The following TTC28 variants were observed in gnomAD, a reference collection of about 807,000 sequenced individuals.
TTC28 encodes the protein tetratricopeptide repeat domain 28.
TTC28 carries 61 observed loss-of-function variants against 198.0 expected under a neutral mutation model. That is an observed-to-expected ratio of 0.31 (90% CI 0.25 to 0.38). The LOEUF (loss-of-function observed/expected upper bound fraction) is 0.38. Among genes scored for constraint, TTC28 ranks in the 10% least tolerant of loss-of-function variants. The probability of loss-of-function intolerance (pLI) is 1.00; values close to 1 mark genes in which losing one functional copy is unlikely to be tolerated. For missense variants in TTC28, 2,678 were observed against 3,164.0 expected, an observed-to-expected ratio of 0.85 and a Z score of 3.69; for synonymous variants, 1,171 against 1,297.8, an observed-to-expected ratio of 0.90 and a Z score of 2.10.
intron 5 of TTC28, among the ~76,000 whole-genome samples, chr22:28,271,114 A>AAT (rs911044497): frequency 7.0e-6 from 1 of 142,616 alleles, no homozygotes; most frequent in Non-Finnish European, 1.5e-5. Flanking sequence ...TTTTTTCAGT[A>AAT]TTTTTTTTTT....
chr22:28,378,273 G>A (rs1319716540), intron 2 of TTC28, among the ~76,000 whole-genome samples: 1 of 150,364 alleles, frequency 6.7e-6, no homozygotes, highest in Non-Finnish European at 1.5e-5. Context: ...TTGAACCTGG[G>A]AGGCGGAGGT....
At chr22:28,426,061 A>C (rs914117619) in intron 2 of TTC28, among the ~76,000 whole-genome samples, 1 of 152,016 alleles carries the variant, frequency 6.6e-6, no homozygotes, top group Non-Finnish European at 1.5e-5. Context: ...AAATACAAAA[A>C]TTAGTCAGGC....
intron 2 of TTC28, among the ~76,000 whole-genome samples, chr22:28,588,184 G>A (rs2050354975): frequency 6.6e-6 from 1 of 151,470 alleles, no homozygotes; most frequent in Non-Finnish European, 1.5e-5. Context: ...AACAAAACAT[G>A]CTGTTATTAA....
rs531722274 is a variant in TTC28, at chr22:28,320,516, C to T, written c.382-13873G>A. ...ACTTAGTTATTTAATTCCTGGCTGGCATTTTAGTCTTTTCTTTGGCTTCTT... is the reference window on the plus strand; with the variant it reads ...ACTTAGTTATTTAATTCCTGGCTGGTATTTTAGTCTTTTCTTTGGCTTCTT... On this transcript the variant is annotated intron_variant, in intron 2 of 22. Coordinates refer to ENST00000397906, the MANE Select transcript of TTC28 (RefSeq NM_001145418.2). 2.0e-5 allele frequency among the ~76,000 whole-genome samples: 3 copies of T among 152,286 alleles called. No homozygotes were observed. The East Asian group carries it at 5.8e-4, about 29-fold the overall frequency.
At chr22:28,262,541 A>G (rs1931397593) in intron 5 of TTC28, among the ~76,000 whole-genome samples, 1 of 152,172 alleles carries the variant, frequency 6.6e-6, no homozygotes, top group Non-Finnish European at 1.5e-5. Context: ...AATATTTCTT[A>G]GTCACTGAAG....
At chr22:28,253,835 T>G (rs1930693416) in intron 5 of TTC28, among the ~76,000 whole-genome samples, 1 of 152,166 alleles carries the variant, frequency 6.6e-6, no homozygotes, top group South Asian at 2.1e-4. Context: ...CCGGGCACAG[T>G]GGCTCACGCC....
chr22:28,104,680 T>C (rs1942246510), intron 8 of TTC28, among the ~76,000 whole-genome samples: 1 of 152,154 alleles, frequency 6.6e-6, no homozygotes, highest in South Asian at 2.1e-4. Flanking sequence ...AACAAGACCC[T>C]ACTGTGGCAC....
intron 5 of TTC28, among the ~76,000 whole-genome samples, chr22:28,263,641 G>C (rs1453872706): frequency 6.6e-6 from 1 of 152,064 alleles, no homozygotes; most frequent in Non-Finnish European, 1.5e-5. Context: ...GATAATAATA[G>C]TATAGTATTG....
chr22:28,053,941 C>G (rs1177748165), intron 12 of TTC28, among the ~76,000 whole-genome samples: 1 of 152,192 alleles, frequency 6.6e-6, no homozygotes, highest in African/African-American at 2.4e-5. Flanking sequence ...ACACATTACA[C>G]ATTCTTATTT....
At chr22:28,148,612 C>CAAAAA (rs35433132) in intron 6 of TTC28, among the ~76,000 whole-genome samples, 1 of 74,996 alleles carries the variant, frequency 1.3e-5, no homozygotes, top group African/African-American at 4.8e-5. Context: ...GACTCTGTCT[C>CAAAAA]AAAAAAAAAA....
At chr22:28,006,366 A>C (rs1937929315) in intron 14 of TTC28, among the ~76,000 whole-genome samples, 1 of 152,206 alleles carries the variant, frequency 6.6e-6, no homozygotes, top group African/African-American at 2.4e-5. Context: ...TGCACTCCAG[A>C]CATATTGGTC....
intron 2 of TTC28, among the ~76,000 whole-genome samples, chr22:28,609,364 A>G (rs57523932): frequency 0.01 from 1,533 of 152,334 alleles, 37 homozygotes; most frequent in African/African-American, 0.035. Flanking sequence ...TGATTTCTGC[A>G]TTTCCAACTG....
chr22:28,650,407 A>G (rs556315162), intron 1 of TTC28, among the ~76,000 whole-genome samples: 2 of 152,352 alleles, frequency 1.3e-5, no homozygotes, highest in African/African-American at 4.8e-5. Flanking sequence ...AAACAGAAGG[A>G]TAAACTGCAT....
chr22:28,071,890 T>C (rs1025800604), intron 12 of TTC28, among the ~76,000 whole-genome samples: 1 of 152,198 alleles, frequency 6.6e-6, no homozygotes, highest in Non-Finnish European at 1.5e-5. Context: ...CGCATTAGCA[T>C]AAGCCTATCA....
intron 2 of TTC28, among the ~76,000 whole-genome samples, chr22:28,313,858 C>T (rs994435112): frequency 6.6e-6 from 1 of 152,156 alleles, no homozygotes; most frequent in African/African-American, 2.4e-5. Flanking sequence ...GAAGTTCTCG[C>T]CAGGGCAATT....
intron 2 of TTC28, among the ~76,000 whole-genome samples, chr22:28,454,690 T>C (rs981467609): frequency 2.0e-5 from 3 of 152,344 alleles, no homozygotes; most frequent in Non-Finnish European, 4.4e-5. Context: ...TCTTGTATAA[T>C]CCAAAGATGG....
intron 12 of TTC28, among the ~76,000 whole-genome samples, chr22:28,084,023 C>T (rs956690576): frequency 5.3e-5 from 8 of 152,252 alleles, no homozygotes; most frequent in Non-Finnish European, 1.5e-5. Flanking sequence ...GAAGCTCAAA[C>T]TGGGTGGAGC....
At chr22:28,393,148 G>C (rs1471624458) in intron 2 of TTC28, among the ~76,000 whole-genome samples, 3 of 152,104 alleles carry the variant, frequency 2.0e-5, no homozygotes, top group African/African-American at 7.2e-5. Context: ...CTCTCAAAAT[G>C]CTGGGAATAC....
intron 2 of TTC28, among the ~76,000 whole-genome samples, chr22:28,473,205 C>G (rs931408547): frequency 6.6e-6 from 1 of 152,148 alleles, no homozygotes; most frequent in Non-Finnish European, 1.5e-5. Context: ...TAGTAACTGT[C>G]AAAAATATTC....
Sources: gnomAD v4.1 joint callset for allele counts (sites outside exome capture counted in the v4.1 genomes callset) on GRCh38, gnomAD v4.1.1 for gene constraint, MANE v1.5 for transcripts, NCBI Gene and HGNC (gene_info 2026-07-23, HGNC 2026-07-21) for gene names.